SYN3: variants seen among roughly 807,000 people sequenced by gnomAD.
SYN3 encodes synapsin-3.
Under a neutral mutation model 65.8 loss-of-function variants are expected in SYN3, and 35 were observed. The observed-to-expected ratio is 0.53, with a 90% CI of 0.41 to 0.70. The LOEUF is 0.70. Among genes scored for constraint, SYN3 ranks in the 30% least tolerant of loss-of-function variants. The pLI is 0.00. For synonymous variants in SYN3, 270 were observed against 292.9 expected (o/e 0.92, Z 0.80); for missense variants, 680 against 749.0 (o/e 0.91, Z 1.08).
At chr22:32,528,772 T>A in intron 11 of SYN3, 102 bp downstream of exon 11, 1 of 1,513,632 alleles carries the variant, frequency 6.6e-7, no homozygotes, top group South Asian at 1.2e-5. Context: ...CCAAGGTGGT[T>A]TCTTCCTGGG....
chr22:32,527,583 A>T (rs1347245931), intron 12 of SYN3: 3 of 216,958 alleles, frequency 1.4e-5, no homozygotes, highest in Non-Finnish European at 2.8e-5. Flanking sequence ...CTGGCGACAG[A>T]GCAAGACTCT....
chr22:32,692,019 A>G lies in SYN3; in HGVS notation c.712-95283T>C, dbSNP rs1176574892. 2.0e-5 allele frequency among the ~76,000 whole-genome samples: 3 copies of G among 152,170 alleles called. No individual in the cohort carries two copies. The East Asian group carries it at 5.8e-4, about 29-fold the overall frequency. ...AGATCACCTCTCTTGAAGATTTGCAACAAAAACAAGAAAACAACTGGGGTA... is the reference window on the plus strand; with the variant it reads ...AGATCACCTCTCTTGAAGATTTGCAGCAAAAACAAGAAAACAACTGGGGTA... On this transcript the variant is annotated intron_variant, in intron 6 of 13. Transcript: ENST00000358763.
chr22:32,901,406 T>C (rs1601654942), intron 4 of SYN3, among the ~76,000 whole-genome samples: 1 of 152,302 alleles, frequency 6.6e-6, no homozygotes, highest in East Asian at 1.9e-4. Flanking sequence ...TGATGCTACA[T>C]AAATGTTAGT....
chr22:32,874,763 T>C (rs1055925298), intron 4 of SYN3, among the ~76,000 whole-genome samples: 1 of 152,228 alleles, frequency 6.6e-6, no homozygotes, highest in African/African-American at 2.4e-5. Context: ...CAGCCAGGCC[T>C]GCGAAGGCTC....
At chr22:32,904,403 A>G (rs888406262) in intron 4 of SYN3, among the ~76,000 whole-genome samples, 9 of 152,212 alleles carry the variant, frequency 5.9e-5, no homozygotes, top group African/African-American at 2.2e-4. Flanking sequence ...TGGTGGAGTC[A>G]CAAGATGGAA....
chr22:32,948,783 T>C (rs968678985), intron 3 of SYN3, among the ~76,000 whole-genome samples: 2 of 151,834 alleles, frequency 1.3e-5, no homozygotes, highest in African/African-American at 2.4e-5. Context: ...TTTGTGTTTT[T>C]TCTTCTTATT....
intron 6 of SYN3, among the ~76,000 whole-genome samples, chr22:32,810,946 T>G (rs919137234): frequency 2.0e-5 from 3 of 152,158 alleles, no homozygotes; most frequent in African/African-American, 7.2e-5. Flanking sequence ...CTTGGGCAGG[T>G]TCTTTGCCTC....
At chr22:32,922,691 C>T (rs183082285) in intron 4 of SYN3, among the ~76,000 whole-genome samples, 22 of 152,190 alleles carry the variant, frequency 1.4e-4, no homozygotes, top group Admixed American at 4.6e-4. Flanking sequence ...ACATCCCATC[C>T]GCTCTGTGGT....
At chr22:32,860,911 GTGT>G (rs2048516908) in intron 6 of SYN3, 1 of 98,832 alleles carries the variant, frequency 1.0e-5, no homozygotes, top group Non-Finnish European at 1.9e-5. Context: ...GGTTTCTGTT[GTGT>G]TTTTTTTTTT....
chr22:32,994,732 C>A (rs1472233300), intron 2 of SYN3, among the ~76,000 whole-genome samples: 2 of 152,166 alleles, frequency 1.3e-5, no homozygotes, highest in Non-Finnish European at 2.9e-5. Flanking sequence ...ATCTCGACAC[C>A]CTCCTCTAGG....
intron 7 of SYN3, among the ~76,000 whole-genome samples, chr22:32,554,066 T>G (rs1278806681): frequency 6.6e-6 from 1 of 152,194 alleles, no homozygotes; most frequent in Non-Finnish European, 1.5e-5. Context: ...AATGTCAGGC[T>G]TATTTCCTCA....
At chr22:32,844,713 T>C (rs892875308) in intron 6 of SYN3, among the ~76,000 whole-genome samples, 1 of 140,250 alleles carries the variant, frequency 7.1e-6, no homozygotes, top group African/African-American at 2.7e-5. Context: ...TTCTTCTTCC[T>C]TTTTTTTTTT....
intron 4 of SYN3, among the ~76,000 whole-genome samples, chr22:32,886,885 C>T (rs1254517749): frequency 6.6e-6 from 1 of 152,208 alleles, no homozygotes; most frequent in East Asian, 1.9e-4. Flanking sequence ...GAAGGCAGCC[C>T]GCAGGACCCT....
At chr22:32,736,352 C>A (rs966243768) in intron 6 of SYN3, among the ~76,000 whole-genome samples, 7 of 152,186 alleles carry the variant, frequency 4.6e-5, no homozygotes, top group Non-Finnish European at 1.0e-4. Flanking sequence ...CAATTATGTG[C>A]AACTGGCTTG....
intron 1 of SYN3, among the ~76,000 whole-genome samples, chr22:33,009,708 G>A (rs1039284521): frequency 6.7e-6 from 1 of 149,704 alleles, no homozygotes; most frequent in Non-Finnish European, 1.5e-5. Flanking sequence ...TGTATTTTGG[G>A]TACTGGGAAT....
intron 6 of SYN3, among the ~76,000 whole-genome samples, chr22:32,824,563 A>AT (rs965624258): frequency 2.0e-5 from 3 of 152,136 alleles, no homozygotes; most frequent in African/African-American, 7.2e-5. Context: ...ATATGTATAT[A>AT]TTTTTTGCAT....
At chr22:32,959,552 GA>G (rs1214943458) in intron 3 of SYN3, among the ~76,000 whole-genome samples, 2 of 144,698 alleles carry the variant, frequency 1.4e-5, no homozygotes, top group African/African-American at 5.1e-5. Context: ...CACTGTCTCA[GA>G]AAAAAAAAAG....
intron 6 of SYN3, among the ~76,000 whole-genome samples, chr22:32,673,353 G>A (rs2060397706): frequency 6.6e-6 from 1 of 152,214 alleles, no homozygotes; most frequent in African/African-American, 2.4e-5. Flanking sequence ...CAGGAGTCAA[G>A]GGTTGCCCCC....
At chr22:32,598,150 T>C (rs1258663913) in intron 6 of SYN3, among the ~76,000 whole-genome samples, 3 of 152,134 alleles carry the variant, frequency 2.0e-5, no homozygotes, top group African/African-American at 7.2e-5. Flanking sequence ...GACAGCACTG[T>C]CTGTCCTCTT....
Sources: gnomAD v4.1 joint callset for allele counts (sites outside exome capture counted in the v4.1 genomes callset) on GRCh38, gnomAD v4.1.1 for gene constraint, MANE v1.5 for transcripts, NCBI Gene and HGNC (gene_info 2026-07-23, HGNC 2026-07-21) for gene names.